The following ZBTB8OS variants were observed in gnomAD, a reference collection of about 807,000 sequenced individuals.
ZBTB8OS encodes tRNA-splicing ligase-activating factor archease.
In ZBTB8OS, 16 loss-of-function variants were observed where a neutral mutation model predicts 29.3. The ratio of observed to expected loss-of-function variants is 0.55; its 90% CI spans 0.37 to 0.83. ZBTB8OS has a LOEUF of 0.83. ZBTB8OS is among the 40% of genes least tolerant of loss of function. ZBTB8OS has a pLI of 0.00. For synonymous variants in ZBTB8OS, 70 were observed against 64.6 expected (o/e 1.08, Z -0.40); for missense variants, 160 against 196.9 (o/e 0.81, Z 1.12).
chr1:32,626,617 C>T (rs1645151246), intron 6 of ZBTB8OS, among the ~76,000 whole-genome samples: 1 of 152,132 alleles, frequency 6.6e-6, no homozygotes, highest in African/African-American at 2.4e-5. Context: ...GGCATGATCT[C>T]GGCTCACTGC....
At chr1:32,626,673 T>A (rs1382069130) in intron 6 of ZBTB8OS, among the ~76,000 whole-genome samples, 1 of 152,142 alleles carries the variant, frequency 6.6e-6, no homozygotes, top group Non-Finnish European at 1.5e-5. Context: ...CTCAGCCTCC[T>A]GAGCAGCTAG....
rs757857847 is a variant in ZBTB8OS, at chr1:32,634,028, C to T, written c.167G>A (p.Cys56Tyr). 1.2e-6 allele frequency: 2 copies of T among 1,602,700 alleles called. No homozygotes were observed. The highest frequency in any genetic ancestry group is 1.7e-6 in the Non-Finnish European group (2 of 1,177,466). ...GDTLEEAFEQ[C>Y]AMAMFGYMTD... ...CATGTAACCAAACATGGCCATTGCA[C>T]ATTGCTCAAATGCTTCCTCCAGAGT... The change falls in exon 3 of 7, where the codon TGT (cysteine) becomes TAT (tyrosine). Residue 56 changes from cysteine to tyrosine, a missense_variant. Coordinates refer to ENST00000468695, the MANE Select transcript of ZBTB8OS (RefSeq NM_178547.5).
chr1:32,633,657 G>T lies in ZBTB8OS; in HGVS notation c.315C>A (p.Phe105Leu), dbSNP rs769839161. ...AACCTTTGCTTACCCGGGGTATGAA[G>T]AATTCATCAGCACTGAACTTATAAA... ...EWLYKFSADE[F>L]FIPREVKVLS... Residue 105 changes from phenylalanine (F) to leucine (L), a missense_variant, in exon 4 of 7, where the codon TTC (phenylalanine) becomes TTA (leucine). Physicochemically the swap from Phe to Leu is conservative, Grantham distance 22. Transcript: ENST00000468695. The T allele has an allele frequency of 1.2e-6, 2 of 1,602,072 alleles. No individual in the cohort carries two copies. Among genetic ancestry groups the T allele is most frequent in the African/African-American group, 1.3e-5 (1 of 74,152 alleles).
At chr1:32,633,930 C>A in intron 3 of ZBTB8OS, 21 bp downstream of exon 3, 1 of 1,551,438 alleles carries the variant, frequency 6.4e-7, no homozygotes, top group East Asian at 2.3e-5. Context: ...ACAATTTCTT[C>A]CTTGTGAATA....
chr1:32,629,546 GTTT>G (rs1645377263), intron 5 of ZBTB8OS, among the ~76,000 whole-genome samples: 1 of 152,042 alleles, frequency 6.6e-6, no homozygotes, highest in African/African-American at 2.4e-5. Flanking sequence ...TCCGAACTTG[GTTT>G]ACACTTTACA....
At chr1:32,643,812 CTTT>C (rs58965191) in intron 1 of ZBTB8OS, among the ~76,000 whole-genome samples, 1 of 148,512 alleles carries the variant, frequency 6.7e-6, no homozygotes, top group Non-Finnish European at 1.5e-5. Context: ...ATTTTTTTTA[CTTT>C]TTTTTTTCTT....
At chr1:32,632,572 G>A (rs980305520) in intron 4 of ZBTB8OS, among the ~76,000 whole-genome samples, 7 of 152,058 alleles carry the variant, frequency 4.6e-5, no homozygotes, top group African/African-American at 1.2e-4. Context: ...GTGCCACTGC[G>A]CCCAGATAAT....
intron 6 of ZBTB8OS, among the ~76,000 whole-genome samples, chr1:32,626,134 A>G (rs1293976002): frequency 6.6e-6 from 1 of 152,164 alleles, no homozygotes; most frequent in Non-Finnish European, 1.5e-5. Flanking sequence ...CGGCCTCCCA[A>G]AATGCGGGGA....
intron 2 of ZBTB8OS, chr1:32,634,345 G>C (rs977424642): frequency 6.6e-6 from 2 of 304,502 alleles, no homozygotes; most frequent in Admixed American, 9.3e-5. Flanking sequence ...TCCTGCCTCA[G>C]CCTCACAAGT....
chr1:32,633,611 A>G (rs779457897), intron 4 of ZBTB8OS, 34 bp downstream of exon 4: 1 of 1,457,182 alleles, frequency 6.9e-7, no homozygotes, highest in African/African-American at 1.4e-5. Context: ...CTAAGAATCC[A>G]TTTGCTCAGT....
intron 1 of ZBTB8OS, among the ~76,000 whole-genome samples, chr1:32,646,328 A>G (rs914851402): frequency 6.6e-6 from 1 of 152,032 alleles, no homozygotes; most frequent in African/African-American, 2.4e-5. Flanking sequence ...TCAGGGAAAA[A>G]AAAAAAGATT....
At chr1:32,643,279 G>T (rs1189462037) in intron 1 of ZBTB8OS, among the ~76,000 whole-genome samples, 2 of 151,698 alleles carry the variant, frequency 1.3e-5, no homozygotes, top group African/African-American at 4.8e-5. Flanking sequence ...CTCCATGTTT[G>T]TCAGGCTGGT....
intron 5 of ZBTB8OS, among the ~76,000 whole-genome samples, chr1:32,628,071 G>A (rs1020858252): frequency 6.6e-6 from 1 of 152,122 alleles, no homozygotes; most frequent in East Asian, 1.9e-4. Context: ...TAGGCCAGGC[G>A]CGGTGGCTCA....
At chr1:32,621,994 T>C in intron 6 of ZBTB8OS, 46 bp from the exon 7 acceptor site, 1 of 1,312,950 alleles carries the variant, frequency 7.6e-7, no homozygotes, top group Non-Finnish European at 1.0e-6. Context: ...GAAAATAGGA[T>C]ATTGAAATCA....
At chr1:32,644,232 G>T (rs1480842893) in intron 1 of ZBTB8OS, among the ~76,000 whole-genome samples, 1 of 152,126 alleles carries the variant, frequency 6.6e-6, no homozygotes, top group Non-Finnish European at 1.5e-5. Context: ...TGGGAACTGC[G>T]GATATAGCTT....
At chr1:32,622,222 T>C (rs1644806672) in intron 6 of ZBTB8OS, among the ~76,000 whole-genome samples, 2 of 152,302 alleles carry the variant, frequency 1.3e-5, no homozygotes, top group Admixed American at 1.3e-4. Flanking sequence ...TGTCTGGACA[T>C]CAGTTTTTCA....
At chr1:32,650,611 C>A (rs1168676448), upstream of ZBTB8OS, 13 of 1,611,138 alleles carry the variant, frequency 8.1e-6, no homozygotes, top group Non-Finnish European at 1.1e-5. Flanking sequence ...CTAGACTCCG[C>A]CCCTTGGCGC....
In ZBTB8OS at chr1:32,621,736, A is replaced by G; in HGVS notation, c.*126T>C. 4.2e-6 allele frequency: 3 copies of G among 716,080 alleles called. No homozygotes were observed. The highest frequency in any genetic ancestry group is 6.9e-6 in the Non-Finnish European group (3 of 431,938). 44.4% of individuals were successfully genotyped at this position (716,080 alleles called of 1,614,324 possible). On this transcript the variant is annotated 3_prime_UTR_variant, in exon 7 of 7. Coordinates refer to ENST00000468695, the MANE Select transcript of ZBTB8OS (RefSeq NM_178547.5). ...TTTCTGAAAGTCACACTTTAACTAA[A>G]ATATTTCTGTTCTACAAATTTCCAT...
chr1:32,627,684 T>C, intron 5 of ZBTB8OS, 140 bp from the exon 6 acceptor site: 1 of 719,970 alleles, frequency 1.4e-6, no homozygotes, highest in Non-Finnish European at 2.3e-6. Flanking sequence ...TTCATTTTCA[T>C]TTGTCAGAAG....
Sources: gnomAD v4.1 joint callset for allele counts (sites outside exome capture counted in the v4.1 genomes callset) on GRCh38, gnomAD v4.1.1 for gene constraint, MANE v1.5 for transcripts, NCBI Gene and HGNC (gene_info 2026-07-23, HGNC 2026-07-21) for gene names.